DZIP3: variants seen among roughly 807,000 people sequenced by gnomAD.
DZIP3 encodes the protein E3 ubiquitin-protein ligase DZIP3.
In DZIP3, 118 loss-of-function variants were observed where a neutral mutation model predicts 162.0. The observed-to-expected ratio is 0.73, with a 90% confidence interval of 0.63 to 0.85. The LOEUF is 0.85. Among genes scored for constraint, DZIP3 ranks in the 40% least tolerant of loss-of-function variants. The pLI is 0.00. For missense variants in DZIP3, 1,331 were observed against 1,407.0 expected, an observed-to-expected ratio of 0.95 and a Z score of 0.86; for synonymous variants, 438 against 458.6, an observed-to-expected ratio of 0.96 and a Z score of 0.57.
chr3:108,653,231 C>T (rs78084600), intron 18 of DZIP3, among the ~76,000 whole-genome samples: 4 of 151,534 alleles, frequency 2.6e-5, no homozygotes, highest in African/African-American at 9.7e-5. Flanking sequence ...CTGCTTATAT[C>T]GTGTTTTATG....
At chr3:108,645,743 A>G (rs753895489) in intron 14 of DZIP3, among the ~76,000 whole-genome samples, 4 of 152,166 alleles carry the variant, frequency 2.6e-5, no homozygotes, top group Admixed American at 6.5e-5. Context: ...GATGTGCCCA[A>G]TTTCAGTCCT....
chr3:108,678,869 A>C (rs1260184364), intron 26 of DZIP3, among the ~76,000 whole-genome samples: 1 of 152,070 alleles, frequency 6.6e-6, no homozygotes, highest in Non-Finnish European at 1.5e-5. Context: ...AAAATTATAT[A>C]ATTTGTATGG....
chr3:108,624,370 A>C, intron 5 of DZIP3, 74 bp from the exon 6 acceptor site: 1 of 776,774 alleles, frequency 1.3e-6, no homozygotes, highest in South Asian at 1.6e-5. Context: ...TAAGCTTAGG[A>C]TATTTAATTA....
chr3:108,654,242 G>C lies in DZIP3; in HGVS notation c.2131G>C (p.Glu711Gln). The C allele has an allele frequency of 1.9e-6, 3 of 1,613,864 alleles. No homozygotes were observed. The highest frequency in any genetic ancestry group is 1.3e-5 in the African/African-American group (1 of 75,050). The change falls in exon 19 of 33, where the codon GAG (glutamate) becomes CAG (glutamine). Residue 711 changes from glutamate to glutamine, a missense_variant. Physicochemically the swap from Glu to Gln is conservative, Grantham distance 29. Around this residue, in one of 2 missense-constraint regions of DZIP3, gnomAD observed 1,278 missense variants for 1,317.1 expected, o/e 0.97. Coordinates refer to ENST00000361582, the MANE Select transcript of DZIP3 (RefSeq NM_014648.4). ...AAAAGATGATGCAAGTGATGTTCAA[G>C]AGGATTCTGCAATGGAAGACAAGTT... Reference protein sequence around the residue: ...LIKDDASDVQEDSAMEDKFYS... With the variant: ...LIKDDASDVQQDSAMEDKFYS...
At chr3:108,598,143 G>A (rs1254368001) in intron 1 of DZIP3, among the ~76,000 whole-genome samples, 1 of 152,118 alleles carries the variant, frequency 6.6e-6, no homozygotes, top group Non-Finnish European at 1.5e-5. Flanking sequence ...GTATGCATAT[G>A]TGCATATTAT....
chr3:108,690,967 G>A (rs1944669939), intron 32 of DZIP3, 64 bp downstream of exon 32: 1 of 1,352,058 alleles, frequency 7.4e-7, no homozygotes, highest in Admixed American at 1.8e-5. Context: ...TTTGAGTGGT[G>A]TAAAACTATG....
At chr3:108,611,026 C>A in intron 3 of DZIP3, 148 bp from the exon 4 acceptor site, 2 of 654,912 alleles carry the variant, frequency 3.1e-6, no homozygotes, top group Non-Finnish European at 4.9e-6. Context: ...ATTATTCTTC[C>A]TTAGATTTTT....
chr3:108,659,182 A>T (rs1343688132), intron 19 of DZIP3, among the ~76,000 whole-genome samples: 2 of 152,226 alleles, frequency 1.3e-5, no homozygotes, highest in African/African-American at 2.4e-5. Flanking sequence ...GGGCAGAGAC[A>T]TAACAAAAAA....
chr3:108,680,742 G>T (rs1944275750), intron 26 of DZIP3, among the ~76,000 whole-genome samples: 4 of 152,010 alleles, frequency 2.6e-5, no homozygotes, highest in African/African-American at 7.2e-5. Context: ...ATAGCTACTG[G>T]TACCAAAACA....
rs1940679185 is a variant in DZIP3, at chr3:108,611,097, G to A, written c.103-77G>A. The A allele has an allele frequency of 2.9e-6, 4 of 1,377,292 alleles. No individual in the cohort carries two copies. In the South Asian group the frequency reaches 4.5e-5, roughly 15 times the overall value. The allele number at this position is 1,377,292 out of a possible 1,614,324, so 85.3% of individuals were successfully genotyped here. On this transcript the variant is annotated intron_variant, in intron 3 of 32. Coordinates refer to ENST00000361582, the MANE Select transcript of DZIP3 (RefSeq NM_014648.4). ...AAATGAGCTTTGTTCCTTTTTTAAT[G>A]CTTTGGCTGATCTTAGAATTAAGAG...
At chr3:108,673,993 T>G in intron 23 of DZIP3, 85 bp from the exon 24 acceptor site, 2 of 1,068,144 alleles carry the variant, frequency 1.9e-6, no homozygotes, top group Non-Finnish European at 2.8e-6. Context: ...GAAATAGCTT[T>G]AAATTTACTT....
chr3:108,625,466 G>A (rs1056679774), intron 6 of DZIP3, among the ~76,000 whole-genome samples: 1 of 152,126 alleles, frequency 6.6e-6, no homozygotes, highest in Admixed American at 6.5e-5. Flanking sequence ...TCACTATGTT[G>A]CCCAAGCTGG....
chr3:108,629,688 C>T (rs1033322105), intron 8 of DZIP3, among the ~76,000 whole-genome samples: 9 of 151,878 alleles, frequency 5.9e-5, no homozygotes, highest in African/African-American at 1.9e-4. Context: ...TGATGTTGTG[C>T]ACACTTATTT....
At chr3:108,671,582 A>C (rs1943928220) in intron 22 of DZIP3, among the ~76,000 whole-genome samples, 1 of 151,918 alleles carries the variant, frequency 6.6e-6, no homozygotes, top group Non-Finnish European at 1.5e-5. Context: ...CTTTCATTCA[A>C]AAATGTTGAA....
chr3:108,641,658 C>T (rs1942405910), intron 12 of DZIP3, among the ~76,000 whole-genome samples: 2 of 152,188 alleles, frequency 1.3e-5, no homozygotes, highest in Admixed American at 1.3e-4. Context: ...TCCCCACCAA[C>T]AGTATGGGAG....
rs540462052 is a variant in DZIP3 at position 108,608,630 on chromosome 3, ACT to A, written c.102+475_102+476del. On this transcript the variant is annotated intron_variant, in intron 3 of 32. Coordinates refer to ENST00000361582, the MANE Select transcript of DZIP3 (RefSeq NM_014648.4). ...TTCTAGGTCTAAATGAAAGAGAATA[ACT>A]CTGAATTATACATAAAAGGCTTTTA... Among the ~76,000 whole-genome samples the A allele has an allele frequency of 4.0e-3, 615 of 152,114 alleles. 3 individuals carry two copies. Among genetic ancestry groups the A allele is most frequent in the African/African-American group, 0.014 (568 of 41,504 alleles).
intron 1 of DZIP3, among the ~76,000 whole-genome samples, chr3:108,593,577 A>C (rs911848397): frequency 6.6e-6 from 1 of 151,752 alleles, no homozygotes; most frequent in South Asian, 2.1e-4. Context: ...AAATTATCTG[A>C]TCCTTGTAGG....
chr3:108,600,600 A>G (rs1209978814), intron 1 of DZIP3, among the ~76,000 whole-genome samples: 1 of 152,150 alleles, frequency 6.6e-6, no homozygotes, highest in African/African-American at 2.4e-5. Flanking sequence ...AAACAATAGC[A>G]TTTCTCCTTC....
intron 11 of DZIP3, 28 bp from the exon 12 acceptor site, chr3:108,637,468 G>A: frequency 1.2e-6 from 2 of 1,604,202 alleles, no homozygotes; most frequent in Non-Finnish European, 1.7e-6. Context: ...ACTACTTTAG[G>A]GCTATTTTTT....
Sources: allele counts gnomAD v4.1 joint callset (sites outside exome capture counted in the v4.1 genomes callset), GRCh38; gene constraint gnomAD v4.1.1; regional missense constraint gnomAD v4.1.1; transcripts MANE v1.5; gene names NCBI Gene and HGNC (gene_info 2026-07-23, HGNC 2026-07-21).